Variants in OR51B5 observed in about 807,000 individuals in gnomAD.
OR51B5 encodes the protein olfactory receptor 51B5.
For synonymous variants in OR51B5, 186 were observed against 144.8 expected (o/e 1.28, Z -2.04); for missense variants, 456 against 374.6 (o/e 1.22, Z -1.79).
chr11:5,381,626 T>A (rs1849610354), intron 1 of OR51B5, among the ~76,000 whole-genome samples: 1 of 152,158 alleles, frequency 6.6e-6, no homozygotes, highest in African/African-American at 2.4e-5. Context: ...TTGATCAGAG[T>A]TTCTCACAGG....
At chr11:5,480,220 A>G (rs1185114616) in intron 1 of OR51B5, among the ~76,000 whole-genome samples, 3 of 150,592 alleles carry the variant, frequency 2.0e-5, no homozygotes, top group South Asian at 4.2e-4. Flanking sequence ...AAACCACTCA[A>G]CTACATGGAA....
At chr11:5,400,797 T>G (rs948007986) in intron 1 of OR51B5, among the ~76,000 whole-genome samples, 2 of 152,236 alleles carry the variant, frequency 1.3e-5, no homozygotes, top group African/African-American at 4.8e-5. Flanking sequence ...GTCCTTGACA[T>G]AGAGGTGTGC....
intron 1 of OR51B5, among the ~76,000 whole-genome samples, chr11:5,438,101 T>C (rs886260016): frequency 2.0e-5 from 3 of 152,114 alleles, no homozygotes; most frequent in African/African-American, 7.2e-5. Flanking sequence ...AATCATGACC[T>C]TGTAAGTTAG....
chr11:5,479,554 G>T (rs1422502495), intron 1 of OR51B5, among the ~76,000 whole-genome samples: 1 of 150,870 alleles, frequency 6.6e-6, no homozygotes, highest in South Asian at 2.1e-4. Flanking sequence ...CCAATTAAAA[G>T]ACACAGACTG....
intron 1 of OR51B5, among the ~76,000 whole-genome samples, chr11:5,405,636 C>T (rs1020090301): frequency 6.6e-6 from 1 of 152,028 alleles, no homozygotes; most frequent in Non-Finnish European, 1.5e-5. Context: ...ATACAAATAA[C>T]GACACACCTA....
chr11:5,361,990 T>G (rs72874670), intron 1 of OR51B5, among the ~76,000 whole-genome samples: 2,433 of 152,290 alleles, frequency 0.016, 31 homozygotes, highest in Non-Finnish European at 0.028. Flanking sequence ...AAAGAAAAAC[T>G]TACCAAATAG....
downstream of OR51B5, among the ~76,000 whole-genome samples, chr11:5,342,257 T>C (rs1848907502): frequency 6.6e-6 from 1 of 152,194 alleles, no homozygotes; most frequent in African/African-American, 2.4e-5. Flanking sequence ...TATGATTCTG[T>C]TCCTATCTGC....
intron 1 of OR51B5, among the ~76,000 whole-genome samples, chr11:5,406,486 A>G (rs751182960): frequency 9.2e-5 from 14 of 152,062 alleles, no homozygotes; most frequent in Non-Finnish European, 2.1e-4. Flanking sequence ...GCTCCCTGGG[A>G]TTTTCTACCT....
chr11:5,501,129 GC>G (rs1245382810), intron 1 of OR51B5, among the ~76,000 whole-genome samples: 1 of 147,946 alleles, frequency 6.8e-6, no homozygotes, highest in African/African-American at 2.4e-5. Context: ...GGGCTGAAAA[GC>G]CTGTTAGCTA....
chr11:5,480,350 T>C (rs1447427373), intron 1 of OR51B5, among the ~76,000 whole-genome samples: 1 of 151,508 alleles, frequency 6.6e-6, no homozygotes, highest in Non-Finnish European at 1.5e-5. Flanking sequence ...TGGGACGCAT[T>C]CAAAGCAGTG....
At chr11:5,501,806 G>A (rs137904308) in intron 1 of OR51B5, among the ~76,000 whole-genome samples, 1,608 of 148,072 alleles carry the variant, frequency 0.011, 200 homozygotes, top group Non-Finnish European at 0.011. Flanking sequence ...TAGGGTACAT[G>A]TGCACAACGT....
intron 1 of OR51B5, among the ~76,000 whole-genome samples, chr11:5,441,882 A>G (rs1242704220): frequency 1.3e-5 from 2 of 152,206 alleles, no homozygotes; most frequent in African/African-American, 4.8e-5. Context: ...TGGAACATCT[A>G]CTACTATAAA....
At chr11:5,400,587 A>T (rs895074387) in intron 1 of OR51B5, among the ~76,000 whole-genome samples, 1 of 152,138 alleles carries the variant, frequency 6.6e-6, no homozygotes, top group Non-Finnish European at 1.5e-5. Flanking sequence ...TTTTCCCTTT[A>T]GGACCCTCTC....
upstream of OR51B5, among the ~76,000 whole-genome samples, chr11:5,344,360 T>G (rs1039681072): frequency 6.6e-6 from 1 of 152,212 alleles, no homozygotes; most frequent in African/African-American, 2.4e-5. Context: ...TATTTTTCTA[T>G]AGGCCTACTG....
At chr11:5,357,014 G>A (rs1455377326) in intron 1 of OR51B5, among the ~76,000 whole-genome samples, 1 of 152,066 alleles carries the variant, frequency 6.6e-6, no homozygotes, top group South Asian at 2.1e-4. Context: ...ACCAGCCACT[G>A]CAAAAACATG....
At chr11:5,347,921 A>C (rs1220633855), upstream of OR51B5, among the ~76,000 whole-genome samples, 1 of 152,146 alleles carries the variant, frequency 6.6e-6, no homozygotes, top group East Asian at 1.9e-4. Flanking sequence ...ATGATGCCCA[A>C]ATCTTTCATA....
intron 1 of OR51B5, among the ~76,000 whole-genome samples, chr11:5,421,731 G>T (rs370075009): frequency 6.6e-6 from 1 of 152,278 alleles, no homozygotes; most frequent in South Asian, 2.1e-4. Flanking sequence ...AGTGAAATAG[G>T]TGAGAATGCT....
chr11:5,495,836 G>T (rs1156770814), intron 1 of OR51B5, among the ~76,000 whole-genome samples: 2 of 152,192 alleles, frequency 1.3e-5, no homozygotes, highest in East Asian at 1.9e-4. Context: ...GCCTGCAAAA[G>T]ACTCACTTTA....
At chr11:5,449,760 A>T (rs4094102) in intron 1 of OR51B5, among the ~76,000 whole-genome samples, 1 of 152,110 alleles carries the variant, frequency 6.6e-6, no homozygotes, top group Non-Finnish European at 1.5e-5. Flanking sequence ...ATCCCATGAC[A>T]AACAGCTGAA....
Sources: allele counts gnomAD v4.1 joint callset (sites outside exome capture counted in the v4.1 genomes callset), GRCh38; gene constraint gnomAD v4.1.1; transcripts MANE v1.5; gene names NCBI Gene and HGNC (gene_info 2026-07-23, HGNC 2026-07-21).